Variants in XYLB observed in about 807,000 individuals in gnomAD.
The protein encoded by XYLB is xylulokinase.
XYLB carries 62 observed loss-of-function variants against 78.7 expected under a neutral mutation model. The ratio of observed to expected loss-of-function variants is 0.79; its 90% CI spans 0.64 to 0.97. XYLB has a LOEUF of 0.97. XYLB is among the 50% of genes least tolerant of loss of function. XYLB has a pLI of 0.00. For synonymous variants in XYLB, 245 were observed against 247.4 expected (o/e 0.99, Z 0.09); for missense variants, 687 against 676.8 (o/e 1.02, Z -0.17).
At chr3:38,415,535 C>G (rs1032907804), downstream of XYLB, among the ~76,000 whole-genome samples, 9 of 152,292 alleles carry the variant, frequency 5.9e-5, no homozygotes, top group Admixed American at 5.9e-4. Flanking sequence ...GTAATCCCAG[C>G]ACTTTGGGAG....
chr3:38,442,502 G>A, the XYLB span, among the ~76,000 whole-genome samples: 49 of 152,246 alleles, frequency 3.2e-4, no homozygotes, highest in African/African-American at 1.1e-3. Flanking sequence ...AGAGAAACTG[G>A]GAGTCACAGT....
chr3:38,422,598 A>G (rs1463559833), downstream of XYLB, among the ~76,000 whole-genome samples: 1 of 152,148 alleles, frequency 6.6e-6, no homozygotes, highest in Non-Finnish European at 1.5e-5. Flanking sequence ...GAAGTATATC[A>G]AAGTATTTAT....
chr3:38,384,305 A>G (rs1707285255), intron 15 of XYLB, among the ~76,000 whole-genome samples: 2 of 152,098 alleles, frequency 1.3e-5, no homozygotes, highest in African/African-American at 4.8e-5. Flanking sequence ...ACCTCAAATG[A>G]TCCACCTGCC....
chr3:38,385,327 A>G (rs923563975), intron 15 of XYLB, among the ~76,000 whole-genome samples: 2 of 151,932 alleles, frequency 1.3e-5, no homozygotes, highest in Non-Finnish European at 2.9e-5. Context: ...TCCCTAGTTC[A>G]TTCTTGTTTG....
intron 2 of XYLB, among the ~76,000 whole-genome samples, chr3:38,359,554 T>C (rs984552764): frequency 3.9e-5 from 6 of 152,240 alleles, no homozygotes; most frequent in Non-Finnish European, 8.8e-5. Flanking sequence ...AAGTTATAAT[T>C]GTGTACATAT....
intron 6 of XYLB, 82 bp from the exon 7 acceptor site, chr3:38,366,726 G>A (rs1706282733): frequency 2.1e-6 from 2 of 960,188 alleles, no homozygotes; most frequent in Admixed American, 1.8e-5. Context: ...TCCAGAGCAT[G>A]CTACATTAAA....
intron 18 of XYLB, among the ~76,000 whole-genome samples, chr3:38,406,390 C>A (rs564528595): frequency 6.6e-6 from 1 of 152,340 alleles, no homozygotes; most frequent in South Asian, 2.1e-4. Flanking sequence ...ATCTGTACAT[C>A]ACCATCATCA....
rs564129006 is a variant in XYLB, at chr3:38,410,686, A to G, written c.1534-2250A>G. Among the ~76,000 whole-genome samples the G allele has an allele frequency of 8.5e-3, 1,301 of 152,276 alleles. 14 individuals carry two copies. Among genetic ancestry groups the G allele is most frequent in the African/African-American group, 0.03 (1,231 of 41,536 alleles). ...CTACAATGAACTCAAACAAATTTACAAGAAAAAAACAACCCCATCAAAAAG... is the reference window on the plus strand; with the variant it reads ...CTACAATGAACTCAAACAAATTTACGAGAAAAAAACAACCCCATCAAAAAG... On this transcript the variant is annotated intron_variant, in intron 18 of 18. Coordinates refer to ENST00000207870, the MANE Select transcript of XYLB (RefSeq NM_005108.4).
In XYLB at chr3:38,358,041, A is replaced by C. The variant is rs562227480; in HGVS notation, c.141-2298A>C. 6.6e-5 allele frequency among the ~76,000 whole-genome samples: 10 copies of C among 151,364 alleles called. No homozygotes were observed. In the South Asian group the frequency reaches 1.3e-3, roughly 19 times the overall value. On this transcript the variant is annotated intron_variant, in intron 2 of 18. Transcript: ENST00000207870. The stretch of plus-strand genomic sequence containing the variant: ...GAAGCAATGTTTTTAATTTTGATAA[A>C]GTCTAATCTTCCTACTTTTTTCCTT...
chr3:38,395,345 C>G (rs1354967154), intron 15 of XYLB, among the ~76,000 whole-genome samples, 160 bp from the exon 16 acceptor site: 1 of 152,186 alleles, frequency 6.6e-6, no homozygotes, highest in Non-Finnish European at 1.5e-5. Context: ...CAGGCCTGCA[C>G]ACACAGAGCC....
intron 13 of XYLB, 40 bp downstream of exon 13, chr3:38,376,272 C>A: frequency 6.9e-7 from 1 of 1,444,220 alleles, no homozygotes; most frequent in Non-Finnish European, 9.7e-7. Flanking sequence ...GAAGGGTCAG[C>A]AGCTGCCGAC....
intron 18 of XYLB, among the ~76,000 whole-genome samples, chr3:38,402,774 G>T (rs1223853425): frequency 6.6e-6 from 1 of 152,084 alleles, no homozygotes; most frequent in Admixed American, 6.6e-5. Context: ...GGGTAGAATT[G>T]GTTCAGTGGT....
chr3:38,368,089 C>A, intron 7 of XYLB, 96 bp from the exon 8 acceptor site: 1 of 1,223,548 alleles, frequency 8.2e-7, no homozygotes, highest in Non-Finnish European at 1.2e-6. Flanking sequence ...CCACTTCCCT[C>A]TCCAATTTTT....
chr3:38,388,543 C>T (rs1707496911), intron 15 of XYLB, among the ~76,000 whole-genome samples: 1 of 152,064 alleles, frequency 6.6e-6, no homozygotes, highest in Non-Finnish European at 1.5e-5. Context: ...AAAAAAAAGT[C>T]TAGAAGCCTA....
chr3:38,348,479 C>T lies in XYLB; in HGVS notation c.58-71C>T, dbSNP rs183965733. 3.9e-4 allele frequency: 578 copies of T among 1,472,304 alleles called. 1 individual carries two copies. The highest frequency in any genetic ancestry group is 6.3e-4 in the Admixed American group (37 of 59,000). The allele number at this position is 1,472,304 out of a possible 1,614,324, so 91.2% of individuals were successfully genotyped here. ...TAGGGTGTGGGGCCTCATCTGGTGACGTTAGTACCCCCTGGACCAGTGTAG... is the reference window on the plus strand; with the variant it reads ...TAGGGTGTGGGGCCTCATCTGGTGATGTTAGTACCCCCTGGACCAGTGTAG... On this transcript the variant is annotated intron_variant, in intron 1 of 18. Transcript: ENST00000207870.
chr3:38,368,319 G>A (rs913385918), intron 8 of XYLB, 62 bp downstream of exon 8: 2 of 1,506,500 alleles, frequency 1.3e-6, no homozygotes, highest in Non-Finnish European at 1.8e-6. Flanking sequence ...GGGTGTGCAA[G>A]CAGTGGGAGC....
At chr3:38,388,245 T>G (rs1488250619) in intron 15 of XYLB, among the ~76,000 whole-genome samples, 1 of 151,336 alleles carries the variant, frequency 6.6e-6, no homozygotes, top group African/African-American at 2.4e-5. Flanking sequence ...AAAAGCTGGG[T>G]TGCGGAGATG....
chr3:38,380,715 C>G (rs1290747189), intron 15 of XYLB, among the ~76,000 whole-genome samples: 1 of 152,192 alleles, frequency 6.6e-6, no homozygotes, highest in African/African-American at 2.4e-5. Context: ...CATGTGTTTA[C>G]TAAAGATGTA....
At chr3:38,372,779 G>T (rs1423469466) in intron 10 of XYLB, 43 bp downstream of exon 10, 7 of 1,600,344 alleles carry the variant, frequency 4.4e-6, no homozygotes, top group South Asian at 2.2e-5. Flanking sequence ...AGCCTGACTG[G>T]GTCCATGCTG....
Sources: allele counts gnomAD v4.1 joint callset (sites outside exome capture counted in the v4.1 genomes callset), GRCh38; gene constraint gnomAD v4.1.1; transcripts MANE v1.5; gene names NCBI Gene and HGNC (gene_info 2026-07-23, HGNC 2026-07-21).